Variants in FRMPD4 observed in about 807,000 individuals in gnomAD.
FRMPD4 encodes FERM and PDZ domain-containing protein 4.
FRMPD4 carries 22 observed loss-of-function variants against 94.1 expected under a neutral mutation model. The observed-to-expected ratio is 0.23, with a 90% CI of 0.17 to 0.33. The LOEUF (loss-of-function observed/expected upper bound fraction) is 0.33, where lower values mean the gene tolerates loss of function less well. Among genes scored for constraint, FRMPD4 ranks in the 10% least tolerant of loss-of-function variants. FRMPD4 has a pLI of 1.00. For synonymous variants in FRMPD4, 631 were observed against 548.6 expected (o/e 1.15, Z -2.10); for missense variants, 1,111 against 1,339.9 (o/e 0.83, Z 2.67).
At chrX:12,654,138 A>G (rs776225750) in intron 4 of FRMPD4, among the ~76,000 whole-genome samples, 2 of 112,264 alleles carry the variant, frequency 1.8e-5, no homozygotes, top group Admixed American at 9.4e-5. Flanking sequence ...CCACTTGTGT[A>G]ATGTGATTTG....
At chrX:12,078,877 G>T (rs1336375229) in intron 3 of FRMPD4, among the ~76,000 whole-genome samples, 1 of 111,713 alleles carries the variant, frequency 9.0e-6, no homozygotes, top group Non-Finnish European at 1.9e-5. Flanking sequence ...CTTGGTAAGT[G>T]GGGGTGCATA....
At chrX:12,067,405 G>GTTTGTT (rs774385502) in intron 3 of FRMPD4, among the ~76,000 whole-genome samples, 2 of 109,383 alleles carry the variant, frequency 1.8e-5, no homozygotes, top group East Asian at 2.9e-4. Context: ...TTGTTTGTTT[G>GTTTGTT]TTTGTTTTTG....
rs201099635 is a variant in FRMPD4 at position 12,294,395 on chromosome X, T to C, written c.41+155383T>C. ...AGATCTAAGTAATTAAATCTGTTCC[T>C]CAAAGAAAGTGTTTGAAACATTGTA... On this transcript the variant is annotated intron_variant, in intron 1 of 16. Coordinates refer to ENST00000675598, the MANE Select transcript of FRMPD4 (RefSeq NM_001368397.1). Among the ~76,000 whole-genome samples the C allele has an allele frequency of 1.0e-4, 11 of 110,066 alleles. No homozygotes were observed. In the East Asian group the frequency reaches 2.6e-3, roughly 26 times the overall value.
chrX:12,475,801 A>G (rs999718502), intron 1 of FRMPD4, among the ~76,000 whole-genome samples: 2 of 111,939 alleles, frequency 1.8e-5, no homozygotes, highest in Admixed American at 1.9e-4. Flanking sequence ...CCACTGCTCA[A>G]TGAAATAACA....
intron 1 of FRMPD4, among the ~76,000 whole-genome samples, chrX:12,245,533 T>C (rs867317673): frequency 3.3e-5 from 3 of 89,776 alleles, no homozygotes; most frequent in South Asian, 6.4e-4. Flanking sequence ...TTTTTTTTTT[T>C]CAAGGAGTTC....
intron 16 of FRMPD4, among the ~76,000 whole-genome samples, chrX:12,720,039 GGAAAGGAAAGGAAAGAAA>G (rs1457104108): frequency 0.027 from 762 of 27,858 alleles, 10 homozygotes; most frequent in African/African-American, 0.042. Flanking sequence ...GGAAAGGAAA[GGAAAGGAAAGGAAAGAAA>G]GAAAGAAAGA....
chrX:11,834,110 G>A (rs894791985), intron 1 of FRMPD4, among the ~76,000 whole-genome samples: 1 of 111,365 alleles, frequency 9.0e-6, no homozygotes, highest in Non-Finnish European at 1.9e-5. Context: ...TGACCCTTAA[G>A]TTCTCTCTTG....
upstream of FRMPD4, among the ~76,000 whole-genome samples, chrX:12,134,598 C>T (rs1408829464): frequency 8.9e-6 from 1 of 111,943 alleles, no homozygotes; most frequent in African/African-American, 3.3e-5. Flanking sequence ...TAGCAGATTC[C>T]TAACACCAGC....
intron 1 of FRMPD4, among the ~76,000 whole-genome samples, chrX:12,411,338 T>C (rs1374636247): frequency 8.9e-6 from 1 of 112,558 alleles, no homozygotes; most frequent in Admixed American, 9.4e-5. Flanking sequence ...TCTTCAGCAA[T>C]GAATATTTGC....
chrX:12,366,283 G>A (rs968354564), intron 1 of FRMPD4, among the ~76,000 whole-genome samples: 1 of 112,096 alleles, frequency 8.9e-6, no homozygotes, highest in Non-Finnish European at 1.9e-5. Flanking sequence ...ATGGGACCTC[G>A]GGGCCATAGG....
At chrX:12,691,811 T>A (rs1009668369) in intron 8 of FRMPD4, among the ~76,000 whole-genome samples, 3 of 110,533 alleles carry the variant, frequency 2.7e-5, no homozygotes, top group African/African-American at 9.9e-5. Context: ...GGAGACAGTG[T>A]AGGACGCACC....
At chrX:12,541,847 T>C (rs1414429070) in intron 2 of FRMPD4, among the ~76,000 whole-genome samples, 1 of 111,602 alleles carries the variant, frequency 9.0e-6, no homozygotes, top group Admixed American at 9.5e-5. Context: ...CTCAATAAAA[T>C]ACTGGCAAAC....
intron 1 of FRMPD4, among the ~76,000 whole-genome samples, chrX:12,467,650 G>A (rs1186159853): frequency 1.8e-5 from 2 of 112,180 alleles, no homozygotes; most frequent in African/African-American, 3.2e-5. Flanking sequence ...TTTAAGAAAT[G>A]GAAAGTGCTT....
chrX:12,648,819 G>A (rs185196114), intron 4 of FRMPD4, among the ~76,000 whole-genome samples: 57 of 112,131 alleles, frequency 5.1e-4, no homozygotes, highest in Non-Finnish European at 1.3e-4. Context: ...ACATAGCCTG[G>A]GTTGTATTCC....
intron 1 of FRMPD4, among the ~76,000 whole-genome samples, chrX:12,431,653 T>G: frequency 8.9e-6 from 1 of 112,161 alleles, no homozygotes; most frequent in Middle Eastern, 4.6e-3. Flanking sequence ...CCTTTTCTCC[T>G]CACTCAGTGC....
At chrX:12,151,699 T>G (rs982400368) in intron 1 of FRMPD4, among the ~76,000 whole-genome samples, 1 of 112,194 alleles carries the variant, frequency 8.9e-6, no homozygotes, top group African/African-American at 3.2e-5. Context: ...CACTATTCTA[T>G]CCTTAAGTTT....
chrX:11,842,096 C>T (rs1420239361), intron 1 of FRMPD4, among the ~76,000 whole-genome samples: 1 of 107,002 alleles, frequency 9.3e-6, no homozygotes, highest in African/African-American at 3.5e-5. Context: ...TGTTCTGTTC[C>T]ATTGATCTAT....
At chrX:12,235,054 A>T (rs1252669345) in intron 1 of FRMPD4, among the ~76,000 whole-genome samples, 1 of 112,112 alleles carries the variant, frequency 8.9e-6, no homozygotes, top group African/African-American at 3.2e-5. Flanking sequence ...CAGGCTTATT[A>T]ACACACAGGA....
chrX:12,562,225 A>T (rs1383743490), intron 2 of FRMPD4, among the ~76,000 whole-genome samples: 1 of 112,942 alleles, frequency 8.9e-6, no homozygotes, highest in Non-Finnish European at 1.9e-5. Flanking sequence ...AAAATAAATC[A>T]TATTCTTTCT....
Sources: allele counts gnomAD v4.1 joint callset (sites outside exome capture counted in the v4.1 genomes callset), GRCh38; gene constraint gnomAD v4.1.1; transcripts MANE v1.5; gene names NCBI Gene and HGNC (gene_info 2026-07-23, HGNC 2026-07-21).